ZNF169: variants seen among roughly 807,000 people sequenced by gnomAD.
The protein encoded by ZNF169 is zinc finger protein 169.
Under a neutral mutation model 12.0 loss-of-function variants are expected in ZNF169, and 11 were observed. That is an observed-to-expected ratio of 0.92 (90% CI 0.58 to 1.52). The LOEUF (loss-of-function observed/expected upper bound fraction) is 1.52, where lower values mean the gene tolerates loss of function less well. Among genes scored for constraint, ZNF169 ranks in the 40% most tolerant of loss-of-function variants. The pLI is 0.00. For synonymous variants in ZNF169, 302 were observed against 286.5 expected (o/e 1.05, Z -0.55); for missense variants, 722 against 744.0 (o/e 0.97, Z 0.34).
At position 94,292,482 on chromosome 9, in the gene ZNF169, T is replaced by G. The variant is rs746853521; in HGVS notation, c.160+15T>G. The G allele has an allele frequency of 4.4e-6, 7 of 1,608,050 alleles. No individual in the cohort carries two copies. The highest frequency in any genetic ancestry group is 5.1e-6 in the Non-Finnish European group (6 of 1,176,488). ...GGTCTCCCTGGGTAAGGCTGGCCTG[T>G]TTAAGGTTTCAGATTCTGCTTGTGG... On this transcript the variant is annotated intron_variant, in intron 3 of 4. Transcript: ENST00000395395.
chr9:94,275,786 G>GTTT (rs774781157), intron 1 of ZNF169, among the ~76,000 whole-genome samples: 3 of 130,520 alleles, frequency 2.3e-5, no homozygotes, highest in East Asian at 2.2e-4. Context: ...TGCACTATCT[G>GTTT]TTTTTTTTTT....
chr9:94,289,534 A>C (rs1830787718), intron 2 of ZNF169, among the ~76,000 whole-genome samples: 1 of 152,206 alleles, frequency 6.6e-6, no homozygotes, highest in African/African-American at 2.4e-5. Context: ...TCACGCCTGT[A>C]ATCCCAGCAC....
intron 2 of ZNF169, among the ~76,000 whole-genome samples, chr9:94,285,245 G>A (rs1471915237): frequency 1.3e-5 from 2 of 152,112 alleles, no homozygotes; most frequent in African/African-American, 2.4e-5. Context: ...GAAATAAAAG[G>A]TTTTAAGAAT....
In ZNF169 at chr9:94,300,703, G is replaced by T; in HGVS notation, c.1145G>T (p.Ser382Ile). ...RPFLCLECGR[S>I]FRQQSLLLSH... is the part of the protein sequence containing the mutation. Reference sequence around the variant, plus strand: ...TTCCTGTGCCTTGAGTGTGGGCGTAGCTTCAGGCAGCAGTCACTCCTCCTT... The same window carrying T: ...TTCCTGTGCCTTGAGTGTGGGCGTATCTTCAGGCAGCAGTCACTCCTCCTT... The change falls in exon 5 of 5, where the codon AGC becomes ATC. Residue 382 changes from serine to isoleucine, a missense_variant. Physicochemically the swap from Ser to Ile is moderately radical, Grantham distance 142. Coordinates refer to ENST00000395395, the MANE Select transcript of ZNF169 (RefSeq NM_194320.4). 4 of 1,612,776 alleles carry T rather than the reference G, an allele frequency of 2.5e-6. No homozygotes were observed. The highest frequency in any genetic ancestry group is 3.4e-6 in the Non-Finnish European group (4 of 1,179,498).
At chr9:94,292,911 T>G in intron 3 of ZNF169, 63 bp from the exon 4 acceptor site, 1 of 1,460,968 alleles carries the variant, frequency 6.8e-7, no homozygotes, top group Non-Finnish European at 9.4e-7. Flanking sequence ...TGGCTCTGAG[T>G]TCTGAGATAG....
Position 94,300,446 on chromosome 9 carries a change from G to A in ZNF169, c.888G>A (p.Gly296=), listed in dbSNP as rs1303223996. 4 of 1,613,996 alleles carry A rather than the reference G, an allele frequency of 2.5e-6. No homozygotes were observed. The highest frequency in any genetic ancestry group is 2.2e-5 in the South Asian group (2 of 91,078). ...GEKPYVCREC[G]RHFRYTSSLT... is the part of the protein sequence containing the mutation. ...AGCCGTATGTGTGCAGGGAATGTGG[G>A]CGACACTTCAGGTATACATCCTCTC... is the stretch of plus-strand genomic sequence containing the variant. Residue 296 remains glycine (G), a synonymous_variant, in exon 5 of 5, where the codon GGG becomes GGA. Transcript: ENST00000395395.
rs745558756 is a variant in ZNF169, at chr9:94,300,190, C to A, written c.632C>A (p.Ala211Glu). ...GGAGCAGACACTTCAGAATCTGGAGCAGTCATACGTGGAAACTATAGACTG... is the reference window on the plus strand; with the variant it reads ...GGAGCAGACACTTCAGAATCTGGAGAAGTCATACGTGGAAACTATAGACTG... ...LKGADTSESG[A>E]VIRGNYRLGL... Residue 211 changes from alanine to glutamate, a missense_variant, in exon 5 of 5, where the codon GCA becomes GAA. Transcript: ENST00000395395. 9 of 1,614,168 alleles carry A rather than the reference C, an allele frequency of 5.6e-6. No homozygotes were observed. The South Asian group carries it at 9.9e-5, about 18-fold the overall frequency.
At position 94,288,974 on chromosome 9, in the gene ZNF169, G is replaced by A. The variant is rs775409659; in HGVS notation, c.34-3367G>A. On this transcript the variant is annotated intron_variant, in intron 2 of 4. Transcript: ENST00000395395. ...TCATGAATTTCCTAAACTTGTTGATGGCTGAAGCAAAGATTATCGTATGGT... is the reference window on the plus strand; with the variant it reads ...TCATGAATTTCCTAAACTTGTTGATAGCTGAAGCAAAGATTATCGTATGGT... Among the ~76,000 whole-genome samples, 39 of 152,166 alleles carry A rather than the reference G, an allele frequency of 2.6e-4. 1 individual carries two copies. The highest frequency in any genetic ancestry group is 3.4e-4 in the Non-Finnish European group (23 of 68,034).
At chr9:94,268,677 CT>C (rs1830333812) in intron 1 of ZNF169, among the ~76,000 whole-genome samples, 1 of 151,346 alleles carries the variant, frequency 6.6e-6, no homozygotes, top group Non-Finnish European at 1.5e-5. Flanking sequence ...ATCCCAGCTA[CT>C]CAGGTGGCTG....
At chr9:94,280,441 C>A (rs1283691142) in intron 2 of ZNF169, among the ~76,000 whole-genome samples, 1 of 152,136 alleles carries the variant, frequency 6.6e-6, no homozygotes, top group Non-Finnish European at 1.5e-5. Context: ...CTTTAGCAGG[C>A]CCTAAACCTT....
In ZNF169 at chr9:94,299,905, C is replaced by G. The variant is rs754433074; in HGVS notation, c.347C>G (p.Pro116Arg). Reference sequence around the variant, plus strand: ...AGACAATATGCGCTAAGTGGCCATCCCACACAGATCTTCCCAAGCTCATCT... The same window carrying G: ...AGACAATATGCGCTAAGTGGCCATCGCACACAGATCTTCCCAAGCTCATCT... ...LLRQYALSGH[P>R]TQIFPSSSAG... Residue 116 changes from proline to arginine, a missense_variant, in exon 5 of 5, where the codon CCC becomes CGC. Coordinates refer to ENST00000395395, the MANE Select transcript of ZNF169 (RefSeq NM_194320.4). 6.2e-7 allele frequency: 1 copy of G among 1,614,096 alleles called. No individual in the cohort carries two copies. The highest frequency in any genetic ancestry group is 8.5e-7 in the Non-Finnish European group (1 of 1,180,032).
rs757646035 is a variant in ZNF169 at position 94,300,053 on chromosome 9, C to T, written c.495C>T (p.Phe165=). Residue 165 remains phenylalanine, a synonymous_variant, in exon 5 of 5, where the codon TTC becomes TTT. Transcript: ENST00000395395. Reference sequence around the variant, plus strand: ...CAAGCAGAATTTCTAGGACATTCTTCAGCCCACATCAAGGTGACCCAGTAG... The same window carrying T: ...CAAGCAGAATTTCTAGGACATTCTTTAGCCCACATCAAGGTGACCCAGTAG... ...KRPSRISRTF[F]SPHQGDPVEW... 1.9e-6 allele frequency: 3 copies of T among 1,614,140 alleles called. No individual in the cohort carries two copies. Among genetic ancestry groups the T allele is most frequent in the African/African-American group, 1.3e-5 (1 of 75,030 alleles).
At chr9:94,292,558 C>CA in intron 3 of ZNF169, 91 bp downstream of exon 3, 1 of 1,528,646 alleles carries the variant, frequency 6.5e-7, no homozygotes, top group Non-Finnish European at 8.8e-7. Flanking sequence ...CTCAGAAAAA[C>CA]AGTTTTTTCC....
intron 4 of ZNF169, among the ~76,000 whole-genome samples, chr9:94,298,420 C>T (rs1032179030): frequency 2.0e-5 from 3 of 152,032 alleles, no homozygotes; most frequent in African/African-American, 7.2e-5. Context: ...GTGGCTCATG[C>T]CTATAACCCC....
intron 1 of ZNF169, among the ~76,000 whole-genome samples, chr9:94,276,423 C>G (rs983872700): frequency 1.3e-5 from 2 of 152,080 alleles, no homozygotes; most frequent in African/African-American, 4.8e-5. Context: ...CGCCACCACA[C>G]CCAGCAAATT....
chr9:94,283,074 A>G (rs548078794), intron 2 of ZNF169, among the ~76,000 whole-genome samples: 1 of 152,154 alleles, frequency 6.6e-6, no homozygotes, highest in Admixed American at 6.6e-5. Context: ...TATATACATG[A>G]GATCATGTAA....
chr9:94,286,305 C>G (rs1229611296), intron 2 of ZNF169, among the ~76,000 whole-genome samples: 1 of 152,190 alleles, frequency 6.6e-6, no homozygotes, highest in East Asian at 1.9e-4. Flanking sequence ...AACCATTTCC[C>G]TTTACTGATT....
rs369424317 is a variant in ZNF169, at chr9:94,301,221, T to C, written c.1663T>C (p.Ser555Pro). Residue 555 changes from serine (S) to proline (P), a missense_variant, in exon 5 of 5, where the codon TCT becomes CCT. Ser to Pro is a moderately conservative substitution (Grantham distance 74). Coordinates refer to ENST00000395395, the MANE Select transcript of ZNF169 (RefSeq NM_194320.4). ...DECGRGFGFK[S>P]ALIRHQRTHS... is the part of the protein sequence containing the mutation. ...ATGTGGGCGCGGCTTTGGCTTTAAG[T>C]CTGCCCTCATCCGACATCAGCGGAC... The C allele has an allele frequency of 5.5e-5, 89 of 1,613,358 alleles. No homozygotes were observed. The highest frequency in any genetic ancestry group is 6.6e-5 in the South Asian group (6 of 91,032).
chr9:94,290,241 A>T (rs967342841), intron 2 of ZNF169, among the ~76,000 whole-genome samples: 1 of 152,234 alleles, frequency 6.6e-6, no homozygotes, highest in Non-Finnish European at 1.5e-5. Context: ...TGCAGCTAAC[A>T]TTCTTTTTAA....
Sources: gnomAD v4.1 joint callset for allele counts (sites outside exome capture counted in the v4.1 genomes callset) on GRCh38, gnomAD v4.1.1 for gene constraint, MANE v1.5 for transcripts, NCBI Gene and HGNC (gene_info 2026-07-23, HGNC 2026-07-21) for gene names.